Variants in RASSF8 observed in about 807,000 individuals in gnomAD.
The protein encoded by RASSF8 is Ras association domain family member 8, also known as ras association domain-containing protein 8.
In RASSF8, 22 loss-of-function variants were observed where a neutral mutation model predicts 48.5. The ratio of observed to expected loss-of-function variants is 0.45; its 90% CI spans 0.32 to 0.65. The LOEUF (loss-of-function observed/expected upper bound fraction) is 0.65, where lower values mean the gene tolerates loss of function less well. Ranked by LOEUF, RASSF8 falls within the 30% of genes least tolerant of loss-of-function variation. RASSF8 has a pLI of 0.03. For missense variants in RASSF8, 418 were observed against 489.2 expected (o/e 0.85, Z 1.37); for synonymous variants, 127 against 171.5 (o/e 0.74, Z 2.03).
intron 1 of RASSF8, among the ~76,000 whole-genome samples, chr12:25,989,120 G>A (rs1941955660): frequency 6.6e-6 from 1 of 152,120 alleles, no homozygotes; most frequent in South Asian, 2.1e-4. Context: ...CTACTTGTCT[G>A]TTCTTCAGGT....
In RASSF8 at chr12:26,072,658, A is replaced by T; in HGVS notation, c.*3840A>T. ...TGAGTTGCTGCAGCTTTAAACAGAA[A>T]ATTGCCATGTTCACTAATTGTGAGC... On this transcript the variant is annotated 3_prime_UTR_variant, in exon 6 of 6. Coordinates refer to ENST00000689635, the MANE Select transcript of RASSF8 (RefSeq NM_001394098.1). The T allele has an allele frequency of 1.0e-6, 1 of 985,172 alleles. No homozygotes were observed. The highest frequency in any genetic ancestry group is 1.7e-5 in the African/African-American group (1 of 57,342). The allele number at this position is 985,172 out of a possible 1,614,324, so 61.0% of individuals were successfully genotyped here. A position where few individuals can be genotyped will look rare whatever the true frequency, so the allele number is the denominator to read the frequency against.
intron 1 of RASSF8, among the ~76,000 whole-genome samples, chr12:25,980,234 G>A (rs915420254): frequency 6.6e-6 from 1 of 152,144 alleles, no homozygotes; most frequent in African/African-American, 2.4e-5. Context: ...TCTTTGGCTA[G>A]GTGGGCCATT....
intron 2 of RASSF8, among the ~76,000 whole-genome samples, chr12:26,047,085 C>T (rs973591299): frequency 5.3e-5 from 8 of 152,220 alleles, no homozygotes; most frequent in African/African-American, 7.2e-5. Flanking sequence ...GAACTTGGCA[C>T]TGCACACATG....
At chr12:26,025,665 A>C (rs1942896125) in intron 2 of RASSF8, among the ~76,000 whole-genome samples, 1 of 152,150 alleles carries the variant, frequency 6.6e-6, no homozygotes, top group African/African-American at 2.4e-5. Flanking sequence ...GGAATTCATT[A>C]AAAACCTATT....
At chr12:25,979,245 A>G (rs953954296) in intron 1 of RASSF8, among the ~76,000 whole-genome samples, 3 of 152,178 alleles carry the variant, frequency 2.0e-5, no homozygotes, top group African/African-American at 7.2e-5. Context: ...AGAATCAAGC[A>G]GCAGGGAGCT....
In RASSF8 at chr12:26,067,691, C is replaced by T. The variant is rs371295285; in HGVS notation, c.1116C>T (p.Ala372=). The T allele has an allele frequency of 5.6e-5, 90 of 1,614,004 alleles. No individual in the cohort carries two copies. Among genetic ancestry groups the T allele is most frequent in the Non-Finnish European group, 7.2e-5 (85 of 1,180,024 alleles). ...CAGCGGAGCCCATTGAAATAGAGGCCTCACATGCAGACATTGAAAGGGGTA... is the reference window on the plus strand; with the variant it reads ...CAGCGGAGCCCATTGAAATAGAGGCTTCACATGCAGACATTGAAAGGGGTA... The part of the protein sequence containing the change: ...VLPAEPIEIE[A]SHADIEREAP... The change falls in exon 5 of 6, where the codon GCC becomes GCT. Residue 372 remains alanine (A), a synonymous_variant. Coordinates refer to ENST00000689635, the MANE Select transcript of RASSF8 (RefSeq NM_001394098.1).
intron 2 of RASSF8, among the ~76,000 whole-genome samples, chr12:26,012,849 A>G (rs1942562914): frequency 6.6e-6 from 1 of 151,544 alleles, no homozygotes; most frequent in South Asian, 2.1e-4. Context: ...TAATTTTTAA[A>G]TTTTTTTGTA....
intron 2 of RASSF8, among the ~76,000 whole-genome samples, chr12:26,015,950 T>C (rs74073214): frequency 0.037 from 5,633 of 152,184 alleles, 332 homozygotes; most frequent in African/African-American, 0.13. Flanking sequence ...TAACTAATGG[T>C]TACTTTCAAG....
intron 2 of RASSF8, among the ~76,000 whole-genome samples, chr12:26,034,643 A>G (rs902325483): frequency 6.6e-6 from 1 of 152,116 alleles, no homozygotes; most frequent in African/African-American, 2.4e-5. Flanking sequence ...CAGGCTAAGT[A>G]ACTCCTATTC....
intron 2 of RASSF8, among the ~76,000 whole-genome samples, chr12:26,038,724 A>G (rs1282493467): frequency 6.6e-6 from 1 of 151,616 alleles, no homozygotes; most frequent in East Asian, 1.9e-4. Context: ...GTGAAGCCCT[A>G]GCTCCCAGTG....
At chr12:26,029,181 G>A (rs1201266174) in intron 2 of RASSF8, among the ~76,000 whole-genome samples, 1 of 152,156 alleles carries the variant, frequency 6.6e-6, no homozygotes, top group African/African-American at 2.4e-5. Context: ...TGTCTATCAT[G>A]TAGATCACTT....
chr12:25,990,910 T>TAC (rs143406226), intron 1 of RASSF8, among the ~76,000 whole-genome samples: 2,497 of 151,442 alleles, frequency 0.016, 32 homozygotes, highest in Middle Eastern at 0.052. Flanking sequence ...CCTAAAAAAA[T>TAC]ACACACACAC....
chr12:26,013,026 TC>T (rs1328104962), intron 2 of RASSF8, among the ~76,000 whole-genome samples: 1 of 152,156 alleles, frequency 6.6e-6, no homozygotes, highest in Non-Finnish European at 1.5e-5. Flanking sequence ...CTTGCTCTGT[TC>T]CTACATTCAA....
chr12:26,046,006 G>A (rs978764061), intron 2 of RASSF8, among the ~76,000 whole-genome samples: 2 of 152,112 alleles, frequency 1.3e-5, no homozygotes, highest in Non-Finnish European at 2.9e-5. Context: ...TTAATGGAAA[G>A]GACATAGATT....
chr12:26,073,758 C>T (rs1196264197), downstream of RASSF8, among the ~76,000 whole-genome samples: 5 of 132,148 alleles, frequency 3.8e-5, no homozygotes, highest in South Asian at 2.6e-4. Context: ...TACACACACA[C>T]ACACACACAC....
At chr12:26,000,606 A>G (rs1942231966) in intron 2 of RASSF8, among the ~76,000 whole-genome samples, 2 of 152,196 alleles carry the variant, frequency 1.3e-5, no homozygotes, top group Admixed American at 6.5e-5. Flanking sequence ...CGAAAATTAT[A>G]GAGTGTACTT....
chr12:25,995,490 C>A (rs1942112240), intron 2 of RASSF8, among the ~76,000 whole-genome samples: 2 of 152,254 alleles, frequency 1.3e-5, no homozygotes, highest in East Asian at 1.9e-4. Flanking sequence ...AAATTGGCAA[C>A]CTCTTTTAAA....
chr12:26,056,414 A>G (rs1174180862), intron 3 of RASSF8, among the ~76,000 whole-genome samples: 2 of 152,202 alleles, frequency 1.3e-5, no homozygotes, highest in East Asian at 3.8e-4. Context: ...CTTTCATTTA[A>G]CAAACATGTA....
intron 2 of RASSF8, among the ~76,000 whole-genome samples, chr12:26,014,630 AATAG>A (rs2137036615): frequency 6.6e-6 from 1 of 152,252 alleles, no homozygotes; most frequent in African/African-American, 2.4e-5. Flanking sequence ...TTATTTTTCA[AATAG>A]ATATTTGAAA....
Sources: allele counts gnomAD v4.1 joint callset (sites outside exome capture counted in the v4.1 genomes callset), GRCh38; gene constraint gnomAD v4.1.1; transcripts MANE v1.5; gene names NCBI Gene and HGNC (gene_info 2026-07-23, HGNC 2026-07-21).